Variants in TANC1 observed in about 807,000 individuals in gnomAD.
TANC1 encodes tetratricopeptide repeat, ankyrin repeat and coiled-coil containing 1.
TANC1 carries 77 observed loss-of-function variants against 149.7 expected under a neutral mutation model. That is an observed-to-expected ratio of 0.51 (90% CI 0.43 to 0.62). The LOEUF is 0.62. TANC1 is among the 20% of genes least tolerant of loss of function. TANC1 has a pLI of 0.00. For missense variants in TANC1, 1,985 were observed against 2,321.8 expected (o/e 0.85, Z 2.98); for synonymous variants, 854 against 925.0 (o/e 0.92, Z 1.39).
chr2:159,046,855 C>T (rs774611141), intron 2 of TANC1, among the ~76,000 whole-genome samples: 5 of 151,976 alleles, frequency 3.3e-5, no homozygotes, highest in Non-Finnish European at 7.4e-5. Context: ...CCACTTGCCT[C>T]GGCCTCCCCA....
At chr2:159,225,474 T>C (rs1255785362) in intron 23 of TANC1, 1 of 589,062 alleles carries the variant, frequency 1.7e-6, no homozygotes, top group Non-Finnish European at 3.0e-6. Context: ...TCATTACTTT[T>C]TTCAGTAAAA....
intron 2 of TANC1, among the ~76,000 whole-genome samples, chr2:159,060,423 A>G (rs2042156367): frequency 6.6e-6 from 1 of 152,238 alleles, no homozygotes; most frequent in South Asian, 2.1e-4. Context: ...AGATGTGGAT[A>G]TGAAGAGATA....
Position 159,231,988 on chromosome 2 carries a change from A to G in TANC1, c.*976A>G, listed in dbSNP as rs1179450892. ...TAGCCCAGTTTTATTCAGACTTGTA[A>G]ATAGAACTATTTCAATGTAGTTAAT... On this transcript the variant is annotated 3_prime_UTR_variant, in exon 27 of 27. Transcript: ENST00000263635. The G allele has an allele frequency of 6.6e-6, 1 of 152,634 alleles. No homozygotes were observed. Among genetic ancestry groups the G allele is most frequent in the East Asian group, 1.9e-4 (1 of 5,202 alleles). 9.5% of individuals were successfully genotyped at this position (152,634 alleles called of 1,614,324 possible).
intron 3 of TANC1, among the ~76,000 whole-genome samples, chr2:159,075,406 A>G (rs944783396): frequency 5.0e-5 from 6 of 119,454 alleles, no homozygotes; most frequent in Non-Finnish European, 1.1e-4. Context: ...TGTCTATTAA[A>G]AAAAAAAAAC....
At chr2:159,145,410 T>C (rs999299114) in intron 5 of TANC1, among the ~76,000 whole-genome samples, 12 of 152,198 alleles carry the variant, frequency 7.9e-5, no homozygotes, top group African/African-American at 2.7e-4. Context: ...CTCACACACA[T>C]TGGTTTTGAG....
Position 159,007,138 on chromosome 2 carries a change from GTTTTTTTTTTT to G in TANC1, c.-16+5964_-16+5974del, listed in dbSNP as rs70994252. On this transcript the variant is annotated intron_variant, in intron 2 of 26. Transcript: ENST00000263635. The stretch of plus-strand genomic sequence containing the variant: ...TGTACTGTTTTTTATCTTTAATACT[GTTTTTTTTTTT>G]TTTTTTTTTTTTTTGAGACAGAGTT... 2.0e-4 allele frequency among the ~76,000 whole-genome samples: 14 copies of G among 69,516 alleles called. No individual in the cohort carries two copies. The East Asian group carries it at 3.5e-3, about 18-fold the overall frequency. 45.6% of individuals were successfully genotyped at this position (69,516 alleles called of 152,430 possible).
intron 18 of TANC1, among the ~76,000 whole-genome samples, chr2:159,198,705 G>A (rs972911203): frequency 6.6e-6 from 1 of 152,094 alleles, no homozygotes; most frequent in African/African-American, 2.4e-5. Context: ...GGCATATTTG[G>A]GTCATGTTGG....
At chr2:159,221,249 C>T (rs565190889) in intron 22 of TANC1, among the ~76,000 whole-genome samples, 30 of 152,108 alleles carry the variant, frequency 2.0e-4, no homozygotes, top group African/African-American at 6.5e-4. Flanking sequence ...GGCGTGGTGG[C>T]GGGTGCCTGT....
At chr2:159,184,908 G>C (rs766121749) in intron 14 of TANC1, among the ~76,000 whole-genome samples, 4 of 152,056 alleles carry the variant, frequency 2.6e-5, no homozygotes, top group Non-Finnish European at 4.4e-5. Context: ...TCTCTAACAC[G>C]GTTTATAACC....
intron 4 of TANC1, among the ~76,000 whole-genome samples, chr2:159,106,460 C>G (rs1314821178): frequency 6.6e-6 from 1 of 152,094 alleles, no homozygotes; most frequent in Admixed American, 6.5e-5. Context: ...ATCGTGTTGT[C>G]TAGGTTCATC....
At chr2:159,083,967 A>AT (rs779494580) in intron 3 of TANC1, among the ~76,000 whole-genome samples, 16,438 of 152,186 alleles carry the variant, frequency 0.11, 897 homozygotes, top group African/African-American at 0.13. Context: ...AAATGCAGTC[A>AT]TCAGCTGGGC....
At chr2:159,161,709 G>A (rs1360646633) in intron 7 of TANC1, among the ~76,000 whole-genome samples, 1 of 152,176 alleles carries the variant, frequency 6.6e-6, no homozygotes, top group South Asian at 2.1e-4. Context: ...AAAACACAAG[G>A]AAGGCTGTGA....
chr2:159,173,632 A>G (rs72951479), intron 11 of TANC1, among the ~76,000 whole-genome samples: 4,411 of 152,188 alleles, frequency 0.029, 85 homozygotes, highest in Non-Finnish European at 0.046. Context: ...AAATAAATAG[A>G]TTTCATGACC....
rs2036577050 is a variant in TANC1, at chr2:159,001,020, T to TAATA, written c.-125-56_-125-53dup. On this transcript the variant is annotated intron_variant, in intron 1 of 26. Transcript: ENST00000263635. The surrounding 1 kb of genome is among the most constrained non-coding windows in gnomAD (Gnocchi z 4.3). The stretch of plus-strand genomic sequence containing the variant: ...AAGTAATTGCTCAGGGTCATGGAGT[T>TAATA]AATAAATGGTGGAGCGGAGCTTCTA... The TAATA allele has an allele frequency of 6.6e-6, 1 of 152,262 alleles. No individual in the cohort carries two copies. The highest frequency in any genetic ancestry group is 2.1e-4 in the South Asian group (1 of 4,816). The allele number at this position is 152,262 out of a possible 1,614,324, so 9.4% of individuals were successfully genotyped here. A position where few individuals can be genotyped will look rare whatever the true frequency, so the allele number is the denominator to read the frequency against.
chr2:159,224,666 T>C (rs1365673583), intron 23 of TANC1: 3 of 319,626 alleles, frequency 9.4e-6, no homozygotes, highest in Admixed American at 7.9e-5. Flanking sequence ...GGCCGGGTAG[T>C]GCTGCTGAAA....
At chr2:159,114,851 A>G (rs264581) in intron 4 of TANC1, among the ~76,000 whole-genome samples, 49,473 of 151,930 alleles carry the variant, frequency 0.33, 8,761 homozygotes, top group East Asian at 0.63. Flanking sequence ...AGGACATTGT[A>G]TGGGTGGATA....
At chr2:159,060,082 G>T in intron 2 of TANC1, 7 of 969,958 alleles carry the variant, frequency 7.2e-6, no homozygotes, top group Non-Finnish European at 8.6e-6. Context: ...AGTTCTAAAG[G>T]TGTTATACAG....
rs1268793434 is a variant in TANC1 at position 158,985,301 on chromosome 2, C to T, written c.-125-15779C>T. ...GAAGCAAGCTCAAAGTAACCTAGTT[C>T]AGCCAGGATTGAACTTGGGTTTACT... is the stretch of plus-strand genomic sequence containing the variant. On this transcript the variant is annotated intron_variant, in intron 1 of 26. Transcript: ENST00000263635. Among the ~76,000 whole-genome samples, 3 of 152,204 alleles carry T rather than the reference C, an allele frequency of 2.0e-5. No individual in the cohort carries two copies. The East Asian group carries it at 5.8e-4, about 29-fold the overall frequency.
intron 26 of TANC1, 41 bp downstream of exon 26, chr2:159,228,937 T>C (rs748166359): frequency 2.6e-6 from 4 of 1,526,100 alleles, no homozygotes; most frequent in South Asian, 1.1e-5. Context: ...GCTTTTTTTC[T>C]TGTGGGATCA....
Sources: allele counts gnomAD v4.1 joint callset (sites outside exome capture counted in the v4.1 genomes callset), GRCh38; gene constraint gnomAD v4.1.1; non-coding constraint Gnocchi (gnomAD v3.1); transcripts MANE v1.5; gene names NCBI Gene and HGNC (gene_info 2026-07-23, HGNC 2026-07-21).